The following DMD variants were observed in gnomAD, a reference collection of about 807,000 sequenced individuals.
DMD encodes the protein dystrophin, also known as mutant dystrophin.
Under a neutral mutation model 330.1 loss-of-function variants are expected in DMD, and 63 were observed. That is an observed-to-expected ratio of 0.19 (90% CI 0.16 to 0.24). DMD has a LOEUF of 0.24. Among genes scored for constraint, DMD ranks in the 10% least tolerant of loss-of-function variants. The probability of loss-of-function intolerance (pLI) is 1.00; values close to 1 mark genes in which losing one functional copy is unlikely to be tolerated. For missense variants in DMD, 3,344 were observed against 2,684.1 expected, an observed-to-expected ratio of 1.25 and a Z score of -5.43; for synonymous variants, 1,223 against 959.8, an observed-to-expected ratio of 1.27 and a Z score of -5.07.
At chrX:32,775,368 T>G (rs1383899259) in intron 7 of DMD, among the ~76,000 whole-genome samples, 2 of 112,765 alleles carry the variant, frequency 1.8e-5, no homozygotes, top group African/African-American at 6.4e-5. Flanking sequence ...AACCCCACAT[T>G]TCCCCCCTGC....
chrX:33,189,385 A>G (rs1298325972), intron 1 of DMD, among the ~76,000 whole-genome samples: 1 of 111,809 alleles, frequency 8.9e-6, no homozygotes, highest in Admixed American at 9.6e-5. Flanking sequence ...TTCTCATATT[A>G]AAGTAAATAA....
At chrX:32,383,113 A>G (rs1018562344) in intron 33 of DMD, among the ~76,000 whole-genome samples, 2 of 110,881 alleles carry the variant, frequency 1.8e-5, no homozygotes, top group African/African-American at 6.5e-5. Context: ...CAGCTTTAAT[A>G]TCTCTTAATA....
chrX:32,145,434 G>T (rs1453658099), intron 44 of DMD, among the ~76,000 whole-genome samples: 1 of 112,200 alleles, frequency 8.9e-6, no homozygotes, highest in Non-Finnish European at 1.9e-5. Context: ...GTCCCAAGGA[G>T]TTTGAAAGGG....
intron 21 of DMD, among the ~76,000 whole-genome samples, chrX:32,480,967 T>C (rs760399921): frequency 1.2e-3 from 137 of 111,045 alleles, no homozygotes; most frequent in Admixed American, 2.0e-3. Context: ...AAAAATAAAA[T>C]TTTAAAATAA....
chrX:32,648,094 TATTG>T (rs773807607), intron 9 of DMD, among the ~76,000 whole-genome samples: 21 of 111,983 alleles, frequency 1.9e-4, no homozygotes, highest in Non-Finnish European at 3.2e-4. Flanking sequence ...CTTTATGATT[TATTG>T]ATATTTACAC....
rs896828756 is a variant in DMD at position 31,321,490 on chromosome X, G to A, written c.9224+2108C>T. Among the ~76,000 whole-genome samples the A allele has an allele frequency of 9.3e-5, 9 of 97,241 alleles. No homozygotes were observed. The Admixed American group carries it at 1.0e-3, about 11-fold the overall frequency. 84.4% of individuals were successfully genotyped at this position (97,241 alleles called of 115,157 possible). ...GTCTCAGCTACTCGGGAGCTAAGAC[G>A]AAAGAATTGCTTGAACCCGGGAGGC... On this transcript the variant is annotated intron_variant, in intron 62 of 78. Coordinates refer to ENST00000357033, the MANE Select transcript of DMD (RefSeq NM_004006.3).
intron 2 of DMD, among the ~76,000 whole-genome samples, chrX:32,964,019 C>T: frequency 9.0e-6 from 1 of 110,560 alleles, no homozygotes; most frequent in East Asian, 2.9e-4. Context: ...CTTTGGGAGG[C>T]TGAGGTGGGC....
intron 43 of DMD, among the ~76,000 whole-genome samples, chrX:32,221,366 T>A (rs2097131428): frequency 9.1e-6 from 1 of 110,142 alleles, no homozygotes; most frequent in Admixed American, 9.8e-5. Flanking sequence ...ATAAGTTAGT[T>A]ATCTGCCCCA....
intron 55 of DMD, among the ~76,000 whole-genome samples, chrX:31,522,837 T>A (rs1030756372): frequency 3.6e-5 from 4 of 111,369 alleles, no homozygotes; most frequent in African/African-American, 1.3e-4. Context: ...GTACGTGTCA[T>A]CCACTCATGG....
intron 1 of DMD, among the ~76,000 whole-genome samples, chrX:33,273,290 T>C (rs2053188678): frequency 8.9e-6 from 1 of 112,352 alleles, no homozygotes; most frequent in Non-Finnish European, 1.9e-5. Context: ...GCAATGACTT[T>C]TTTATTTTTT....
At chrX:32,149,956 C>T (rs1245039266) in intron 44 of DMD, among the ~76,000 whole-genome samples, 3 of 111,743 alleles carry the variant, frequency 2.7e-5, no homozygotes, top group East Asian at 2.8e-4. Flanking sequence ...AGAAAGCTCA[C>T]GTATTTATGT....
chrX:32,940,247 A>C (rs377381559), intron 2 of DMD, among the ~76,000 whole-genome samples: 1 of 112,147 alleles, frequency 8.9e-6, no homozygotes. Context: ...TGTATACTTG[A>C]AATTTGCTGA....
At position 32,433,761 on chromosome X, in the gene DMD, T is replaced by C. The variant is rs894836874; in HGVS notation, c.4071+4480A>G. On this transcript the variant is annotated intron_variant, in intron 29 of 78. Transcript: ENST00000357033. ...AAATGAGAAAATGCATATCTGACAA[T>C]TAAAAGGGTACCTGAGCCTCTGTAA... Among the ~76,000 whole-genome samples the C allele has an allele frequency of 2.7e-5, 3 of 111,935 alleles. No individual in the cohort carries two copies. The Admixed American group carries it at 2.8e-4, about 11-fold the overall frequency.
intron 12 of DMD, among the ~76,000 whole-genome samples, chrX:32,608,287 A>T (rs1036754191): frequency 9.0e-6 from 1 of 110,600 alleles, no homozygotes; most frequent in Non-Finnish European, 1.9e-5. Context: ...ATGGGATATT[A>T]GATGTCTTCT....
At chrX:33,191,782 T>C in intron 1 of DMD, among the ~76,000 whole-genome samples, 1 of 112,051 alleles carries the variant, frequency 8.9e-6, no homozygotes, top group Non-Finnish European at 1.9e-5. Flanking sequence ...GAGTAGATGC[T>C]AGAAACCCAT....
intron 63 of DMD, among the ~76,000 whole-genome samples, chrX:31,223,404 G>C (rs1428075995): frequency 8.9e-6 from 1 of 112,471 alleles, no homozygotes; most frequent in Non-Finnish European, 1.9e-5. Flanking sequence ...CAAGAGGAAA[G>C]AGATGGACAG....
intron 7 of DMD, among the ~76,000 whole-genome samples, chrX:32,710,566 C>A (rs1038634649): frequency 1.4e-4 from 15 of 111,085 alleles, no homozygotes; most frequent in African/African-American, 4.9e-4. Context: ...ACTCAAGACA[C>A]AGGAAAACTA....
chrX:31,827,876 G>T (rs2092925636), intron 49 of DMD, among the ~76,000 whole-genome samples: 1 of 111,371 alleles, frequency 9.0e-6, no homozygotes, highest in Non-Finnish European at 1.9e-5. Context: ...ATGATTAATA[G>T]TGACACAATT....
intron 51 of DMD, among the ~76,000 whole-genome samples, chrX:31,748,345 G>A (rs1015504534): frequency 6.3e-5 from 7 of 111,817 alleles, no homozygotes; most frequent in Non-Finnish European, 9.4e-5. Context: ...TTAAATATTC[G>A]TACAAAGGGC....
Sources: gnomAD v4.1 joint callset for allele counts (sites outside exome capture counted in the v4.1 genomes callset) on GRCh38, gnomAD v4.1.1 for gene constraint, MANE v1.5 for transcripts, NCBI Gene and HGNC (gene_info 2026-07-23, HGNC 2026-07-21) for gene names.